Variants in NRG1 observed in about 807,000 individuals in gnomAD.
NRG1 encodes the protein pro-neuregulin-1, membrane-bound isoform.
In NRG1, 18 loss-of-function variants were observed where a neutral mutation model predicts 63.8. The ratio of observed to expected loss-of-function variants is 0.28; its 90% CI spans 0.19 to 0.42. NRG1 has a LOEUF of 0.42. Ranked by LOEUF, NRG1 falls within the 10% of genes least tolerant of loss-of-function variation. NRG1 has a pLI of 1.00. For synonymous variants in NRG1, 302 were observed against 301.3 expected (o/e 1.00, Z -0.02); for missense variants, 762 against 814.7 (o/e 0.94, Z 0.79).
At chr8:31,798,040 G>T (rs576034398) in intron 1 of NRG1, among the ~76,000 whole-genome samples, 45 of 152,012 alleles carry the variant, frequency 3.0e-4, no homozygotes, top group Non-Finnish European at 5.7e-4. Context: ...AGGGGGAGGG[G>T]GAAGAAAGGA....
At chr8:32,449,519 A>G (rs995645252) in intron 1 of NRG1, among the ~76,000 whole-genome samples, 3 of 152,086 alleles carry the variant, frequency 2.0e-5, no homozygotes, top group Admixed American at 1.3e-4. Flanking sequence ...AAAACAATAT[A>G]ATCATTTACA....
At chr8:32,010,691 A>G (rs1279117925) in intron 1 of NRG1, among the ~76,000 whole-genome samples, 1 of 151,992 alleles carries the variant, frequency 6.6e-6, no homozygotes, top group Non-Finnish European at 1.5e-5. Flanking sequence ...TCCCAGCATT[A>G]CCCTTCATTA....
upstream of NRG1, among the ~76,000 whole-genome samples, chr8:32,546,156 A>G (rs777620101): frequency 3.3e-5 from 5 of 152,178 alleles, no homozygotes; most frequent in African/African-American, 4.8e-5. Flanking sequence ...CATTCAAATG[A>G]AAATGTATCA....
At chr8:31,936,342 A>G (rs574783176) in intron 1 of NRG1, among the ~76,000 whole-genome samples, 6 of 152,204 alleles carry the variant, frequency 3.9e-5, no homozygotes, top group African/African-American at 1.4e-4. Context: ...ATATTTGATG[A>G]TTTCGCAGTT....
intron 1 of NRG1, among the ~76,000 whole-genome samples, chr8:32,528,986 A>C (rs962172640): frequency 3.3e-5 from 5 of 152,234 alleles, no homozygotes; most frequent in African/African-American, 7.2e-5. Context: ...ATACAGTCGT[A>C]CCTCACTTAA....
intron 1 of NRG1, among the ~76,000 whole-genome samples, chr8:32,079,032 G>A (rs2131127737): frequency 6.6e-6 from 1 of 152,184 alleles, no homozygotes; most frequent in East Asian, 1.9e-4. Context: ...CTGTTGCTTA[G>A]AACTGAACTT....
intron 1 of NRG1, among the ~76,000 whole-genome samples, chr8:31,767,961 T>C (rs1398896197): frequency 1.3e-5 from 2 of 151,994 alleles, no homozygotes; most frequent in Non-Finnish European, 2.9e-5. Context: ...ATCGGTCAAA[T>C]TCCTTAATCT....
At chr8:32,600,325 G>GACACACACAC in intron 2 of NRG1, among the ~76,000 whole-genome samples, 1 of 149,572 alleles carries the variant, frequency 6.7e-6, no homozygotes, top group African/African-American at 2.5e-5. Context: ...AGCAGTGTTG[G>GACACACACAC]ACACACACAC....
At chr8:31,876,461 A>T (rs1032681799) in intron 1 of NRG1, among the ~76,000 whole-genome samples, 3 of 152,154 alleles carry the variant, frequency 2.0e-5, no homozygotes, top group African/African-American at 7.2e-5. Flanking sequence ...AGTGTCTTTG[A>T]TTATCACATT....
intron 1 of NRG1, among the ~76,000 whole-genome samples, chr8:31,839,271 T>C (rs1254247076): frequency 6.6e-6 from 1 of 152,222 alleles, no homozygotes; most frequent in Non-Finnish European, 1.5e-5. Flanking sequence ...GTCCCTGCTG[T>C]GAATTCAATG....
chr8:32,240,989 C>G (rs1490465673), intron 1 of NRG1, among the ~76,000 whole-genome samples: 1 of 151,990 alleles, frequency 6.6e-6, no homozygotes, highest in Admixed American at 6.6e-5. Context: ...TTTAAAAAAG[C>G]AATACAAGCC....
chr8:32,315,260 G>A (rs180982658), intron 1 of NRG1, among the ~76,000 whole-genome samples: 120 of 152,174 alleles, frequency 7.9e-4, no homozygotes, highest in Non-Finnish European at 1.2e-3. Flanking sequence ...GACAGGTCCT[G>A]GTGTGTGTTG....
chr8:32,065,892 A>G (rs1169009455), intron 1 of NRG1, among the ~76,000 whole-genome samples: 2 of 152,258 alleles, frequency 1.3e-5, no homozygotes, highest in South Asian at 2.1e-4. Context: ...TTGGTGTGAG[A>G]CGGTATCTCA....
chr8:31,978,821 T>C (rs1322697865), intron 1 of NRG1, among the ~76,000 whole-genome samples: 2 of 152,212 alleles, frequency 1.3e-5, no homozygotes, highest in Non-Finnish European at 2.9e-5. Context: ...AAGGACATGA[T>C]AAATTTTTAT....
chr8:32,028,465 T>G (rs1355326268), intron 1 of NRG1, among the ~76,000 whole-genome samples: 2 of 152,224 alleles, frequency 1.3e-5, no homozygotes, highest in Non-Finnish European at 2.9e-5. Context: ...ATTTAGTATT[T>G]GATTTTGGAC....
At chr8:32,310,868 G>C (rs1166689861) in intron 1 of NRG1, among the ~76,000 whole-genome samples, 1 of 152,092 alleles carries the variant, frequency 6.6e-6, no homozygotes, top group Non-Finnish European at 1.5e-5. Context: ...CCCCTCACAT[G>C]CTTGCTGTTT....
chr8:32,116,755 G>A (rs909636432), intron 1 of NRG1, among the ~76,000 whole-genome samples: 5 of 151,964 alleles, frequency 3.3e-5, no homozygotes, highest in African/African-American at 1.2e-4. Flanking sequence ...GAAAGTGAAA[G>A]CATGCTTCTA....
intron 1 of NRG1, among the ~76,000 whole-genome samples, chr8:31,692,098 G>A (rs1214308975): frequency 2.0e-5 from 3 of 152,212 alleles, no homozygotes; most frequent in Non-Finnish European, 4.4e-5. Flanking sequence ...ATCCCAAATT[G>A]TTGGGATTAC....
At chr8:32,041,260 T>A (rs1056522309) in intron 1 of NRG1, among the ~76,000 whole-genome samples, 1 of 152,158 alleles carries the variant, frequency 6.6e-6, no homozygotes, top group African/African-American at 2.4e-5. Context: ...ACAACAAGAT[T>A]TCTCCTTCTT....
Sources: allele counts gnomAD v4.1 joint callset (sites outside exome capture counted in the v4.1 genomes callset), GRCh38; gene constraint gnomAD v4.1.1; transcripts MANE v1.5; gene names NCBI Gene and HGNC (gene_info 2026-07-23, HGNC 2026-07-21).